GSTCD: variants seen among roughly 807,000 people sequenced by gnomAD.
The protein encoded by GSTCD is glutathione S-transferase C-terminal domain-containing protein.
GSTCD carries 44 observed loss-of-function variants against 68.3 expected under a neutral mutation model. The ratio of observed to expected loss-of-function variants is 0.64; its 90% CI spans 0.51 to 0.83. GSTCD has a LOEUF of 0.83. Ranked by LOEUF, GSTCD falls within the 40% of genes least tolerant of loss-of-function variation. The pLI is 0.00. For missense variants in GSTCD, 739 were observed against 735.9 expected, an observed-to-expected ratio of 1.00 and a Z score of -0.05; for synonymous variants, 273 against 255.2, an observed-to-expected ratio of 1.07 and a Z score of -0.67.
intron 8 of GSTCD, among the ~76,000 whole-genome samples, chr4:105,827,548 AT>A (rs1723695146): frequency 6.6e-6 from 1 of 152,200 alleles, no homozygotes; most frequent in Non-Finnish European, 1.5e-5. Flanking sequence ...GAAGAGAATA[AT>A]TTGCCTAGGA....
At chr4:105,837,792 G>T in intron 9 of GSTCD, 67 bp from the exon 10 acceptor site, 1 of 682,288 alleles carries the variant, frequency 1.5e-6, no homozygotes, top group Non-Finnish European at 2.5e-6. Context: ...ATATAATTTA[G>T]TTTCTTCAAG....
chr4:105,734,932 T>C (rs1560802179), intron 5 of GSTCD, among the ~76,000 whole-genome samples: 1 of 152,194 alleles, frequency 6.6e-6, no homozygotes, highest in Non-Finnish European at 1.5e-5. Flanking sequence ...TGTTGGAGTT[T>C]GCTGGAGGTC....
At chr4:105,733,645 TG>T (rs1161874107) in intron 5 of GSTCD, among the ~76,000 whole-genome samples, 1 of 152,248 alleles carries the variant, frequency 6.6e-6, no homozygotes, top group Non-Finnish European at 1.5e-5. Context: ...TTATCCAATT[TG>T]CCAGTCTGTG....
Position 105,842,082 on chromosome 4 carries a change from C to T in GSTCD, c.1713C>T (p.Cys571=), listed in dbSNP as rs1256251872. 1.9e-6 allele frequency: 3 copies of T among 1,613,472 alleles called. No homozygotes were observed. The highest frequency in any genetic ancestry group is 2.5e-6 in the Non-Finnish European group (3 of 1,179,576). ...TLSYKEHMIL[C]RFADQTAVQL... ...TCTTTTAGGAACACATGATTCTGTGCAGATTTGCAGACCAGACAGCTGTCC... is the reference window on the plus strand; with the variant it reads ...TCTTTTAGGAACACATGATTCTGTGTAGATTTGCAGACCAGACAGCTGTCC... The change falls in exon 11 of 12, where the codon TGC becomes TGT. Residue 571 remains cysteine (C), a synonymous_variant. Transcript: ENST00000515279.
At chr4:105,770,352 C>G (rs1734794932) in intron 5 of GSTCD, among the ~76,000 whole-genome samples, 1 of 129,804 alleles carries the variant, frequency 7.7e-6, no homozygotes. Context: ...ACTGTCTGTT[C>G]CTTATACTTT....
At chr4:105,761,403 G>A (rs932892455) in intron 5 of GSTCD, 1 of 152,154 alleles carries the variant, frequency 6.6e-6, no homozygotes, top group Non-Finnish European at 1.5e-5. Flanking sequence ...ATGGACATTA[G>A]TAAGTAACAT....
intron 5 of GSTCD, among the ~76,000 whole-genome samples, chr4:105,817,596 A>C (rs929699063): frequency 6.6e-6 from 1 of 151,856 alleles, no homozygotes; most frequent in African/African-American, 2.4e-5. Flanking sequence ...GGCTTTAAAA[A>C]TGTAAAATTA....
At position 105,793,904 on chromosome 4, in the gene GSTCD, A is replaced by C. The variant is rs573851835; in HGVS notation, c.1241-29050A>C. ...AATGTTGTAAAGCTTGAATTCTGGA[A>C]CACATACTGCTGGCATTTTAGTTTT... On this transcript the variant is annotated intron_variant, in intron 5 of 11. Coordinates refer to ENST00000515279, the MANE Select transcript of GSTCD (RefSeq NM_001370181.1). 7.6e-4 allele frequency among the ~76,000 whole-genome samples: 115 copies of C among 152,218 alleles called. 3 individuals carry two copies. Among genetic ancestry groups the C allele is most frequent in the African/African-American group, 2.6e-3 (107 of 41,460 alleles).
intron 2 of GSTCD, among the ~76,000 whole-genome samples, chr4:105,718,745 T>TAG (rs1329283278): frequency 2.0e-5 from 3 of 152,194 alleles, no homozygotes; most frequent in African/African-American, 7.2e-5. Context: ...TACATATAAA[T>TAG]AGGAGCTCAA....
At chr4:105,739,147 G>T (rs1374517614) in intron 5 of GSTCD, among the ~76,000 whole-genome samples, 3 of 152,108 alleles carry the variant, frequency 2.0e-5, no homozygotes, top group Non-Finnish European at 4.4e-5. Context: ...TTATTGATTT[G>T]CATATGTTGA....
chr4:105,833,325 G>A (rs1004254695), intron 8 of GSTCD, among the ~76,000 whole-genome samples: 3 of 152,030 alleles, frequency 2.0e-5, no homozygotes, highest in Admixed American at 6.5e-5. Context: ...GTATGCAGGC[G>A]TGGTGGCACA....
chr4:105,765,356 C>G (rs1414439936), intron 5 of GSTCD, among the ~76,000 whole-genome samples: 4 of 152,254 alleles, frequency 2.6e-5, no homozygotes, highest in African/African-American at 4.8e-5. Context: ...AACATTTAAA[C>G]ATATTTTTAG....
intron 5 of GSTCD, among the ~76,000 whole-genome samples, chr4:105,737,594 A>G (rs1221911100): frequency 1.3e-5 from 2 of 152,136 alleles, no homozygotes; most frequent in East Asian, 1.9e-4. Context: ...ATTTTCTTCT[A>G]GTAGTTTTAT....
chr4:105,735,142 G>C (rs1043747946), intron 5 of GSTCD, among the ~76,000 whole-genome samples: 3 of 152,190 alleles, frequency 2.0e-5, no homozygotes, highest in Non-Finnish European at 4.4e-5. Flanking sequence ...ACCCACTTGA[G>C]GAGGCAATCT....
chr4:105,842,842 T>C (rs1724410627), intron 11 of GSTCD, among the ~76,000 whole-genome samples: 1 of 152,192 alleles, frequency 6.6e-6, no homozygotes, highest in Non-Finnish European at 1.5e-5. Flanking sequence ...GGGTCCCTCA[T>C]CTGGTAGATG....
At chr4:105,755,515 A>G (rs1263122045) in intron 5 of GSTCD, among the ~76,000 whole-genome samples, 1 of 152,198 alleles carries the variant, frequency 6.6e-6, no homozygotes, top group African/African-American at 2.4e-5. Context: ...CTGATACTGA[A>G]TGCATGAAGG....
At chr4:105,709,421 C>T (rs1415742211) in intron 1 of GSTCD, among the ~76,000 whole-genome samples, 1 of 152,150 alleles carries the variant, frequency 6.6e-6, no homozygotes, top group African/African-American at 2.4e-5. Context: ...TTTTCCATTC[C>T]AGCCCTTCCT....
chr4:105,711,070 G>T (rs1053923048), intron 1 of GSTCD: 29 of 152,132 alleles, frequency 1.9e-4, no homozygotes, highest in African/African-American at 7.0e-4. Context: ...CTGTTGAGGG[G>T]CATGTTTTTT....
At chr4:105,731,051 T>C (rs1183858874) in intron 5 of GSTCD, among the ~76,000 whole-genome samples, 1 of 152,162 alleles carries the variant, frequency 6.6e-6, no homozygotes, top group Non-Finnish European at 1.5e-5. Context: ...AGATGTGTGG[T>C]ATTATTTCTG....
Sources: allele counts gnomAD v4.1 joint callset (sites outside exome capture counted in the v4.1 genomes callset), GRCh38; gene constraint gnomAD v4.1.1; transcripts MANE v1.5; gene names NCBI Gene and HGNC (gene_info 2026-07-23, HGNC 2026-07-21).